The following TECRL variants were observed in gnomAD, a reference collection of about 807,000 sequenced individuals.
TECRL encodes the protein trans-2,3-enoyl-CoA reductase-like.
TECRL carries 63 observed loss-of-function variants against 52.8 expected under a neutral mutation model. The observed-to-expected ratio is 1.19, with a 90% CI of 0.97 to 1.47. The LOEUF (loss-of-function observed/expected upper bound fraction) is 1.47. Ranked by LOEUF, TECRL falls within the 40% of genes most tolerant of loss-of-function variation. The pLI, the probability that TECRL is intolerant of heterozygous loss-of-function variation, is 0.00. For synonymous variants in TECRL, 164 were observed against 141.9 expected (o/e 1.16, Z -1.10); for missense variants, 482 against 429.6 (o/e 1.12, Z -1.08).
At position 64,382,191 on chromosome 4, in the gene TECRL, GTATATATA is replaced by G. The variant is rs200934355; in HGVS notation, c.235-6976_235-6969del. Among the ~76,000 whole-genome samples the G allele has an allele frequency of 4.6e-3, 62 of 13,370 alleles. 1 individual carries two copies. Among genetic ancestry groups the G allele is most frequent in the Non-Finnish European group, 7.5e-3 (27 of 3,620 alleles). 8.8% of individuals were successfully genotyped at this position (13,370 alleles called of 152,430 possible). A position where few individuals can be genotyped will look rare whatever the true frequency, so the allele number is the denominator to read the frequency against. On this transcript the variant is annotated intron_variant, in intron 1 of 11. Coordinates refer to ENST00000381210, the MANE Select transcript of TECRL (RefSeq NM_001010874.5). ...TTGTGTACGTCCAGAGGAAATTTCT[GTATATATA>G]TATATATATATATATATATATATAT...
At chr4:64,371,457 T>C (rs1721968892) in intron 2 of TECRL, among the ~76,000 whole-genome samples, 1 of 151,548 alleles carries the variant, frequency 6.6e-6, no homozygotes, top group South Asian at 2.1e-4. Flanking sequence ...CACATGTTCA[T>C]ACAGTGGTAT....
At chr4:64,337,511 T>C (rs1719193472) in intron 2 of TECRL, among the ~76,000 whole-genome samples, 1 of 152,142 alleles carries the variant, frequency 6.6e-6, no homozygotes, top group Non-Finnish European at 1.5e-5. Context: ...ATGACATGAT[T>C]GTATATCTAG....
chr4:64,300,694 T>A (rs1723968537), intron 7 of TECRL, among the ~76,000 whole-genome samples: 3 of 151,060 alleles, frequency 2.0e-5, no homozygotes, highest in Admixed American at 1.3e-4. Context: ...TCATTTTATG[T>A]ATGTGAGCAT....
intron 9 of TECRL, among the ~76,000 whole-genome samples, chr4:64,286,229 A>G (rs1299483166): frequency 6.6e-6 from 1 of 151,792 alleles, no homozygotes; most frequent in Non-Finnish European, 1.5e-5. Context: ...ATAGATATGG[A>G]AAAAAAACAA....
chr4:64,341,206 A>G (rs1195608255), intron 2 of TECRL, among the ~76,000 whole-genome samples: 1 of 152,088 alleles, frequency 6.6e-6, no homozygotes, highest in African/African-American at 2.4e-5. Context: ...GCTCTTCTTC[A>G]TCTTGCCCAC....
chr4:64,288,489 A>AAT (rs1314180334), intron 9 of TECRL, among the ~76,000 whole-genome samples: 6 of 151,948 alleles, frequency 3.9e-5, no homozygotes, highest in Non-Finnish European at 7.4e-5. Context: ...GCTGATCGAA[A>AAT]ATATATATAT....
rs143253548 is a variant in TECRL at position 64,402,926 on chromosome 4, G to A, written c.234+6192C>T. 5.9e-5 allele frequency among the ~76,000 whole-genome samples: 9 copies of A among 152,142 alleles called. No homozygotes were observed. The East Asian group carries it at 1.7e-3, about 29-fold the overall frequency. On this transcript the variant is annotated intron_variant, in intron 1 of 11. Coordinates refer to ENST00000381210, the MANE Select transcript of TECRL (RefSeq NM_001010874.5). ...TCCCTAAATCACTCTGCCTAAAGTAGTCTAGTTAAACTCAATGAATATCAC... is the reference window on the plus strand; with the variant it reads ...TCCCTAAATCACTCTGCCTAAAGTAATCTAGTTAAACTCAATGAATATCAC...
chr4:64,400,360 A>C (rs1724270052), intron 1 of TECRL, among the ~76,000 whole-genome samples: 1 of 152,102 alleles, frequency 6.6e-6, no homozygotes, highest in African/African-American at 2.4e-5. Flanking sequence ...ACAGGCTCAT[A>C]GGTGGAAAAG....
chr4:64,347,829 A>G (rs931342606), intron 2 of TECRL, among the ~76,000 whole-genome samples: 2 of 152,130 alleles, frequency 1.3e-5, no homozygotes, highest in Non-Finnish European at 2.9e-5. Context: ...GAGCCAAACC[A>G]TATCATTTAC....
intron 2 of TECRL, among the ~76,000 whole-genome samples, chr4:64,371,241 A>T (rs1168602969): frequency 2.0e-5 from 3 of 151,340 alleles, no homozygotes; most frequent in Non-Finnish European, 4.4e-5. Context: ...TGTAATTTAC[A>T]TTGTAAATTA....
At chr4:64,365,078 G>A (rs1413748720) in intron 2 of TECRL, among the ~76,000 whole-genome samples, 2 of 151,920 alleles carry the variant, frequency 1.3e-5, no homozygotes, top group African/African-American at 4.8e-5. Flanking sequence ...ACAGGATATT[G>A]AACAGGTGGT....
rs1721958367 is a variant in TECRL, at chr4:64,371,307, A to G, written c.286+3865T>C. ...CCTTATCATTATAATTAATTAAATT[A>G]TAATTATAACTAAATTGTAAAACAA... On this transcript the variant is annotated intron_variant, in intron 2 of 11. Coordinates refer to ENST00000381210, the MANE Select transcript of TECRL (RefSeq NM_001010874.5). Among the ~76,000 whole-genome samples, 3 of 151,180 alleles carry G rather than the reference A, an allele frequency of 2.0e-5. No individual in the cohort carries two copies. In the Admixed American group the frequency reaches 2.0e-4, roughly 10 times the overall value.
intron 8 of TECRL, among the ~76,000 whole-genome samples, chr4:64,292,229 C>G (rs987510187): frequency 5.3e-5 from 8 of 151,910 alleles, no homozygotes; most frequent in African/African-American, 1.9e-4. Flanking sequence ...TATATTTCTC[C>G]TGGATTGATG....
chr4:64,314,928 G>A (rs924930246), intron 4 of TECRL, among the ~76,000 whole-genome samples, 165 bp from the exon 5 acceptor site: 1 of 151,918 alleles, frequency 6.6e-6, no homozygotes, highest in African/African-American at 2.4e-5. Context: ...AGAACCAGGG[G>A]GAGAAAGCCT....
intron 2 of TECRL, among the ~76,000 whole-genome samples, chr4:64,334,963 C>A (rs563516797): frequency 3.9e-5 from 6 of 152,216 alleles, no homozygotes; most frequent in African/African-American, 7.2e-5. Flanking sequence ...AGATACTATC[C>A]GCTGTGCAAG....
intron 2 of TECRL, among the ~76,000 whole-genome samples, chr4:64,371,120 T>G (rs1433923815): frequency 6.6e-6 from 1 of 151,664 alleles, no homozygotes; most frequent in Non-Finnish European, 1.5e-5. Context: ...CTGTAGAAAC[T>G]GTATATGCTA....
At chr4:64,289,295 A>G (rs1465021528) in intron 9 of TECRL, among the ~76,000 whole-genome samples, 2 of 152,212 alleles carry the variant, frequency 1.3e-5, no homozygotes, top group African/African-American at 4.8e-5. Context: ...ATGAAAGATT[A>G]CCATCATTAC....
chr4:64,353,754 C>G (rs1204709762), intron 2 of TECRL, among the ~76,000 whole-genome samples: 1 of 151,868 alleles, frequency 6.6e-6, no homozygotes, highest in Non-Finnish European at 1.5e-5. Context: ...TTATTTTACA[C>G]CATGATATTT....
At chr4:64,328,667 T>C (rs1718424151) in intron 2 of TECRL, 111 bp from the exon 3 acceptor site, 3 of 852,136 alleles carry the variant, frequency 3.5e-6, no homozygotes, top group Non-Finnish European at 5.7e-6. Flanking sequence ...ATAAAATGGG[T>C]TATCTAGTGT....
Sources: gnomAD v4.1 joint callset for allele counts (sites outside exome capture counted in the v4.1 genomes callset) on GRCh38, gnomAD v4.1.1 for gene constraint, MANE v1.5 for transcripts, NCBI Gene and HGNC (gene_info 2026-07-23, HGNC 2026-07-21) for gene names.